The following PTPRG variants were observed in gnomAD, a reference collection of about 807,000 sequenced individuals.
The protein encoded by PTPRG is receptor-type tyrosine-protein phosphatase gamma.
A neutral mutation model predicts 165.3 loss-of-function variants in PTPRG; 102 were observed. The ratio of observed to expected loss-of-function variants is 0.62; its 90% CI spans 0.53 to 0.73. The LOEUF (loss-of-function observed/expected upper bound fraction) is 0.73. Ranked by LOEUF, PTPRG falls within the 30% of genes least tolerant of loss-of-function variation. The pLI, the probability that PTPRG is intolerant of heterozygous loss-of-function variation, is 0.00. For missense variants in PTPRG, 1,866 were observed against 1,861.4 expected (o/e 1.00, Z -0.05); for synonymous variants, 675 against 669.5 (o/e 1.01, Z -0.13).
chr3:61,744,637 G>A (rs2033127189), intron 1 of PTPRG, among the ~76,000 whole-genome samples: 1 of 152,146 alleles, frequency 6.6e-6, no homozygotes, highest in African/African-American at 2.4e-5. Flanking sequence ...ACTTGATTAT[G>A]CTCTTACAGA....
chr3:61,914,185 C>T (rs1227303430), intron 2 of PTPRG, among the ~76,000 whole-genome samples: 8 of 152,152 alleles, frequency 5.3e-5, no homozygotes, highest in Admixed American at 5.2e-4. Flanking sequence ...TGATCTCTGG[C>T]TTTTTGACTT....
chr3:61,941,281 A>G (rs2039620937), intron 2 of PTPRG, among the ~76,000 whole-genome samples: 1 of 152,244 alleles, frequency 6.6e-6, no homozygotes, highest in South Asian at 2.1e-4. Flanking sequence ...TCTCATTATT[A>G]TGATTCTCTA....
intron 4 of PTPRG, among the ~76,000 whole-genome samples, chr3:62,031,065 A>G (rs919125759): frequency 1.3e-5 from 2 of 152,250 alleles, no homozygotes; most frequent in Non-Finnish European, 2.9e-5. Flanking sequence ...ACTGGATTTT[A>G]TTGAAATGAT....
At chr3:62,139,247 C>T (rs1272102679) in intron 6 of PTPRG, among the ~76,000 whole-genome samples, 3 of 151,994 alleles carry the variant, frequency 2.0e-5, no homozygotes, top group Non-Finnish European at 2.9e-5. Context: ...GGTGGATCAC[C>T]TGAGGTCAGG....
chr3:61,831,265 A>G (rs956771314), intron 2 of PTPRG, among the ~76,000 whole-genome samples: 2 of 152,244 alleles, frequency 1.3e-5, no homozygotes, highest in Non-Finnish European at 2.9e-5. Context: ...GTGTGTAAAC[A>G]TCTGTCTCAC....
intron 4 of PTPRG, among the ~76,000 whole-genome samples, chr3:62,066,131 T>A (rs1315148165): frequency 1.3e-5 from 2 of 152,206 alleles, no homozygotes; most frequent in Non-Finnish European, 2.9e-5. Flanking sequence ...ACCAACTAGA[T>A]CTACACCTGT....
chr3:62,273,845 G>A lies in PTPRG; in HGVS notation c.3465+1G>A. ...GACACGACTGGAAAAGCAATTCAAG[G>A]TAGTGCTTTGAAAAAGTTTCTTTGG... On this transcript the variant is annotated splice_donor_variant, in intron 23 of 29. Coordinates refer to ENST00000474889, the MANE Select transcript of PTPRG (RefSeq NM_002841.4). LOFTEE classifies it high-confidence loss of function. The surrounding 1 kb of genome is among the most constrained non-coding windows in gnomAD (Gnocchi z 4.1). The A allele has an allele frequency of 6.2e-7, 1 of 1,612,224 alleles. No homozygotes were observed. The highest frequency in any genetic ancestry group is 8.5e-7 in the Non-Finnish European group (1 of 1,178,824).
chr3:61,889,768 T>C (rs897532981), intron 2 of PTPRG, among the ~76,000 whole-genome samples: 14 of 152,238 alleles, frequency 9.2e-5, no homozygotes, highest in Non-Finnish European at 1.3e-4. Context: ...ACTATTTCCA[T>C]CCTAAACTGC....
chr3:62,104,007 C>T (rs1402697307), intron 5 of PTPRG, among the ~76,000 whole-genome samples: 1 of 152,192 alleles, frequency 6.6e-6, no homozygotes, highest in African/African-American at 2.4e-5. Context: ...TGTGCCATCC[C>T]TCTGATTAAC....
intron 20 of PTPRG, among the ~76,000 whole-genome samples, chr3:62,269,860 C>T (rs1239722589): frequency 1.3e-5 from 2 of 152,106 alleles, no homozygotes; most frequent in Non-Finnish European, 2.9e-5. Context: ...CCGGTGGATG[C>T]TTGAAACCTC....
chr3:61,741,997 C>G (rs2033010415), intron 1 of PTPRG, among the ~76,000 whole-genome samples: 1 of 152,084 alleles, frequency 6.6e-6, no homozygotes, highest in African/African-American at 2.4e-5. Context: ...ACTCAGTGAC[C>G]CTTTCATCTC....
chr3:61,887,407 A>G (rs2038081710), intron 2 of PTPRG, among the ~76,000 whole-genome samples: 1 of 152,016 alleles, frequency 6.6e-6, no homozygotes, highest in African/African-American at 2.4e-5. Context: ...AACTTTGAAG[A>G]TTTTCTCACT....
At chr3:61,619,336 G>A (rs1701387674) in intron 1 of PTPRG, among the ~76,000 whole-genome samples, 1 of 152,062 alleles carries the variant, frequency 6.6e-6, no homozygotes, top group African/African-American at 2.4e-5. Context: ...GTACACCCAC[G>A]AGACCAGTGG....
chr3:61,803,587 A>G (rs1347740623), intron 2 of PTPRG, among the ~76,000 whole-genome samples: 1 of 140,068 alleles, frequency 7.1e-6, no homozygotes, highest in Admixed American at 7.0e-5. Context: ...GTTTTACTGC[A>G]TACTTGATGA....
intron 5 of PTPRG, among the ~76,000 whole-genome samples, chr3:62,129,975 G>A (rs550054657): frequency 1.3e-5 from 2 of 152,282 alleles, no homozygotes; most frequent in South Asian, 4.1e-4. Flanking sequence ...TGGTATCATA[G>A]CCTGTTTCTC....
At chr3:61,927,902 C>G (rs1322469593) in intron 2 of PTPRG, among the ~76,000 whole-genome samples, 1 of 152,078 alleles carries the variant, frequency 6.6e-6, no homozygotes, top group East Asian at 1.9e-4. Context: ...ATTTTCCCCC[C>G]TTTCCAGGTG....
intron 5 of PTPRG, among the ~76,000 whole-genome samples, chr3:62,101,303 G>A (rs1335370106): frequency 6.6e-6 from 1 of 152,096 alleles, no homozygotes; most frequent in East Asian, 1.9e-4. Context: ...TAATTTTCAG[G>A]AAAGAAAACT....
chr3:61,576,015 G>A (rs1202300805), intron 1 of PTPRG, among the ~76,000 whole-genome samples: 1 of 152,198 alleles, frequency 6.6e-6, no homozygotes, highest in Non-Finnish European at 1.5e-5. Flanking sequence ...CGAATGCTAT[G>A]CCACTGTTGT....
intron 8 of PTPRG, among the ~76,000 whole-genome samples, chr3:62,181,104 G>T (rs1705627867): frequency 6.6e-6 from 1 of 152,206 alleles, no homozygotes. Flanking sequence ...ATTGTACTGT[G>T]TAGAAGAAAA....
Sources: allele counts gnomAD v4.1 joint callset (sites outside exome capture counted in the v4.1 genomes callset), GRCh38; gene constraint gnomAD v4.1.1; non-coding constraint Gnocchi (gnomAD v3.1); transcripts MANE v1.5; gene names NCBI Gene and HGNC (gene_info 2026-07-23, HGNC 2026-07-21).